Variants in CACHD1 observed in about 807,000 individuals in gnomAD.
The protein encoded by CACHD1 is VWFA and cache domain-containing protein 1.
Under a neutral mutation model 138.7 loss-of-function variants are expected in CACHD1, and 71 were observed. The observed-to-expected ratio is 0.51, with a 90% CI of 0.42 to 0.62. The LOEUF is 0.62. CACHD1 is among the 20% of genes least tolerant of loss of function. The pLI is 0.00. For synonymous variants in CACHD1, 578 were observed against 591.5 expected (o/e 0.98, Z 0.33); for missense variants, 1,389 against 1,625.3 (o/e 0.85, Z 2.50).
chr1:64,609,446 A>G (rs989895970), intron 4 of CACHD1, among the ~76,000 whole-genome samples: 3 of 152,202 alleles, frequency 2.0e-5, no homozygotes, highest in Non-Finnish European at 4.4e-5. Context: ...TTCAGTTTAT[A>G]TTCGTATGTA....
At chr1:64,623,829 C>T (rs927998838) in intron 4 of CACHD1, among the ~76,000 whole-genome samples, 3 of 152,222 alleles carry the variant, frequency 2.0e-5, no homozygotes, top group Non-Finnish European at 4.4e-5. Context: ...AGACCCTGCC[C>T]ATTAATCACT....
rs189457314 is a variant in CACHD1 at position 64,664,202 on chromosome 1, G to A, written c.2095-296G>A. 1.3e-3 allele frequency: 588 copies of A among 467,376 alleles called. 2 individuals are homozygous for A. Among genetic ancestry groups the A allele is most frequent in the African/African-American group, 0.01 (529 of 51,752 alleles). The allele number at this position is 467,376 out of a possible 1,614,324, so 29.0% of individuals were successfully genotyped here. A position where few individuals can be genotyped will look rare whatever the true frequency, so the allele number is the denominator to read the frequency against. On this transcript the variant is annotated intron_variant, in intron 14 of 26. Transcript: ENST00000651257. ...ATAAGTATAAAGTTTAAGGAACAAA[G>A]CTTTAGGGTTAGTGTGTATATATGT...
intron 8 of CACHD1, among the ~76,000 whole-genome samples, chr1:64,643,890 G>A (rs890470781): frequency 1.3e-5 from 2 of 152,198 alleles, no homozygotes; most frequent in East Asian, 3.8e-4. Context: ...ATGGTTTCCT[G>A]TCTCAGACAG....
At chr1:64,623,597 G>A (rs976105199) in intron 4 of CACHD1, among the ~76,000 whole-genome samples, 3 of 152,074 alleles carry the variant, frequency 2.0e-5, no homozygotes, top group African/African-American at 2.4e-5. Context: ...TCTTGCCCTC[G>A]AGGATCTTAG....
intron 1 of CACHD1, among the ~76,000 whole-genome samples, chr1:64,514,261 C>T (rs1300473515): frequency 6.6e-6 from 1 of 152,200 alleles, no homozygotes; most frequent in African/African-American, 2.4e-5. Flanking sequence ...CCAGTGAATG[C>T]TTTTTGTGGC....
At chr1:64,615,568 G>A (rs765352375) in intron 4 of CACHD1, among the ~76,000 whole-genome samples, 20 of 152,138 alleles carry the variant, frequency 1.3e-4, no homozygotes, top group Admixed American at 1.2e-3. Context: ...CCCATAGCAC[G>A]TATACAGTAA....
At chr1:64,669,796 G>A (rs551488704) in intron 16 of CACHD1, among the ~76,000 whole-genome samples, 5 of 152,116 alleles carry the variant, frequency 3.3e-5, no homozygotes, top group East Asian at 1.9e-4. Context: ...GGCAATATAC[G>A]TGCTGTTGCT....
intron 25 of CACHD1, 64 bp downstream of exon 25, chr1:64,681,399 T>C: frequency 2.3e-6 from 3 of 1,286,688 alleles, no homozygotes; most frequent in Non-Finnish European, 3.4e-6. Context: ...ATAAATATTC[T>C]TTCTTATATC....
chr1:64,623,156 C>T (rs1403605025), intron 4 of CACHD1, among the ~76,000 whole-genome samples: 2 of 152,092 alleles, frequency 1.3e-5, no homozygotes, highest in Non-Finnish European at 2.9e-5. Context: ...AATCCCAACA[C>T]TTTGGGAGGC....
Position 64,673,354 on chromosome 1 carries a change from C to T in CACHD1, c.2617C>T (p.Leu873=). 6.2e-7 allele frequency: 1 copy of T among 1,614,042 alleles called. No homozygotes were observed. The highest frequency in any genetic ancestry group is 8.5e-7 in the Non-Finnish European group (1 of 1,179,936). Residue 873 remains leucine, a synonymous_variant, in exon 19 of 27, where the codon CTG becomes TTG. Coordinates refer to ENST00000651257, the MANE Select transcript of CACHD1 (RefSeq NM_020925.4). The part of the protein sequence containing the change: ...EQQHITHKEP[L]VANDILNHPN... ...TTCTCTTTGGCCTTGGTAGGAGCCC[C>T]TGGTAGCAAATGATATCCTCAACCA...
chr1:64,497,648 G>A (rs1218791857), intron 1 of CACHD1, among the ~76,000 whole-genome samples: 2 of 152,106 alleles, frequency 1.3e-5, no homozygotes, highest in Non-Finnish European at 2.9e-5. Context: ...AGCCTCTGGC[G>A]GGAATATAAT....
intron 3 of CACHD1, among the ~76,000 whole-genome samples, chr1:64,602,265 T>G (rs1028061850): frequency 1.3e-5 from 2 of 152,202 alleles, no homozygotes; most frequent in African/African-American, 2.4e-5. Context: ...ATAAGTTTTA[T>G]TATCTTTTTC....
intron 19 of CACHD1, 120 bp downstream of exon 19, chr1:64,673,584 A>T (rs1649890480): frequency 1.2e-6 from 1 of 836,082 alleles, no homozygotes; most frequent in African/African-American, 1.7e-5. Context: ...GAACTATAGA[A>T]TGATAGGAGG....
chr1:64,580,662 A>T (rs1016661550), intron 2 of CACHD1, among the ~76,000 whole-genome samples: 1 of 152,168 alleles, frequency 6.6e-6, no homozygotes, highest in Non-Finnish European at 1.5e-5. Flanking sequence ...CAATCAATCG[A>T]GGTTTCAAGG....
chr1:64,613,810 C>T (rs2100601029), intron 4 of CACHD1, among the ~76,000 whole-genome samples: 1 of 152,254 alleles, frequency 6.6e-6, no homozygotes, highest in South Asian at 2.1e-4. Context: ...CATTATCTTC[C>T]TGAATGTTCT....
At chr1:64,623,882 CTG>C (rs1376507928) in intron 4 of CACHD1, among the ~76,000 whole-genome samples, 1 of 152,246 alleles carries the variant, frequency 6.6e-6, no homozygotes, top group African/African-American at 2.4e-5. Flanking sequence ...GGTTGGGCAT[CTG>C]CCCAGCTTTT....
intron 2 of CACHD1, 102 bp from the exon 3 acceptor site, chr1:64,582,054 A>G (rs1202834191): frequency 1.2e-5 from 16 of 1,299,634 alleles, no homozygotes; most frequent in Non-Finnish European, 1.7e-5. Flanking sequence ...CTTGAATTTT[A>G]ATATATGCAG....
At chr1:64,569,761 G>GAA (rs5774707) in intron 2 of CACHD1, among the ~76,000 whole-genome samples, 3 of 151,858 alleles carry the variant, frequency 2.0e-5, no homozygotes, top group Non-Finnish European at 2.9e-5. Context: ...GCAGACCCTT[G>GAA]AAAAAAACAT....
intron 1 of CACHD1, among the ~76,000 whole-genome samples, chr1:64,540,238 A>G (rs982150315): frequency 6.6e-6 from 1 of 152,168 alleles, no homozygotes; most frequent in South Asian, 2.1e-4. Flanking sequence ...CCCTCCAAGA[A>G]TACATGTATG....
Sources: allele counts gnomAD v4.1 joint callset (sites outside exome capture counted in the v4.1 genomes callset), GRCh38; gene constraint gnomAD v4.1.1; transcripts MANE v1.5; gene names NCBI Gene and HGNC (gene_info 2026-07-23, HGNC 2026-07-21).